SEMA3A: variants seen among roughly 807,000 people sequenced by gnomAD.
SEMA3A encodes semaphorin-3A.
A neutral mutation model predicts 97.9 loss-of-function variants in SEMA3A; 29 were observed. The observed-to-expected ratio is 0.30, with a 90% confidence interval of 0.22 to 0.40. SEMA3A has a LOEUF of 0.40. SEMA3A is among the 10% of genes least tolerant of loss of function. The probability of loss-of-function intolerance (pLI) is 1.00; values close to 1 mark genes in which losing one functional copy is unlikely to be tolerated. For missense variants in SEMA3A, 763 were observed against 951.3 expected (o/e 0.80, Z 2.60); for synonymous variants, 321 against 323.7 (o/e 0.99, Z 0.09).
intron 1 of SEMA3A, among the ~76,000 whole-genome samples, chr7:84,381,972 G>C (rs1303414012): frequency 6.6e-6 from 1 of 152,128 alleles, no homozygotes; most frequent in Non-Finnish European, 1.5e-5. Flanking sequence ...GGGTAGTTGA[G>C]GGTAGGAGCC....
At chr7:84,182,586 G>C (rs1797765371) in intron 1 of SEMA3A, among the ~76,000 whole-genome samples, 1 of 151,256 alleles carries the variant, frequency 6.6e-6, no homozygotes, top group African/African-American at 2.4e-5. Flanking sequence ...TAATAATCAG[G>C]TCTCCTTTCA....
At chr7:83,966,202 A>C in intron 15 of SEMA3A, among the ~76,000 whole-genome samples, 1 of 152,142 alleles carries the variant, frequency 6.6e-6, no homozygotes, top group Non-Finnish European at 1.5e-5. Context: ...ATATTCTTTT[A>C]TTAAAAAATT....
At chr7:84,284,750 C>T (rs1424028182) in intron 3 of SEMA3A, among the ~76,000 whole-genome samples, 1 of 152,090 alleles carries the variant, frequency 6.6e-6, no homozygotes, top group Non-Finnish European at 1.5e-5. Context: ...CTTATTTTTT[C>T]AACTCACTGT....
intron 4 of SEMA3A, among the ~76,000 whole-genome samples, chr7:84,081,591 T>C (rs1482270714): frequency 2.9e-5 from 3 of 102,780 alleles, no homozygotes; most frequent in Non-Finnish European, 6.5e-5. Flanking sequence ...AGACTCCGTC[T>C]CTTAAAAAAA....
At chr7:84,307,092 C>T (rs1181136423) in intron 3 of SEMA3A, 3 of 152,024 alleles carry the variant, frequency 2.0e-5, no homozygotes, top group African/African-American at 7.2e-5. Flanking sequence ...AAAGAAAGTG[C>T]TCTTAATTTT....
chr7:84,454,431 G>A (rs1006017033), intron 1 of SEMA3A, among the ~76,000 whole-genome samples: 2 of 152,046 alleles, frequency 1.3e-5, no homozygotes, highest in Non-Finnish European at 2.9e-5. Context: ...GTGTATAGAG[G>A]AGCTGAGTAA....
chr7:84,431,705 C>G lies in SEMA3A; in HGVS notation c.-245-59805G>C, dbSNP rs1233667719. On this transcript the variant is annotated intron_variant, in intron 1 of 3. Transcript: ENST00000424555. ...AAGAATTATTGAATAATAGATAAAGCCAGCTTCAATAATTAGTAACAAAAG... is the reference window on the plus strand; with the variant it reads ...AAGAATTATTGAATAATAGATAAAGGCAGCTTCAATAATTAGTAACAAAAG... 3.3e-5 allele frequency among the ~76,000 whole-genome samples: 5 copies of G among 151,408 alleles called. No individual in the cohort carries two copies. The East Asian group carries it at 5.8e-4, about 18-fold the overall frequency.
intron 1 of SEMA3A, among the ~76,000 whole-genome samples, chr7:84,375,171 C>T (rs1457986936): frequency 6.6e-6 from 1 of 152,082 alleles, no homozygotes; most frequent in Admixed American, 6.5e-5. Flanking sequence ...AGGCACCCGC[C>T]AACACATCCA....
chr7:84,404,110 A>G (rs1249241096), intron 1 of SEMA3A, among the ~76,000 whole-genome samples: 2 of 152,194 alleles, frequency 1.3e-5, no homozygotes, highest in East Asian at 1.9e-4. Flanking sequence ...TAAAGGAGGA[A>G]GTTCCAAATA....
intron 1 of SEMA3A, among the ~76,000 whole-genome samples, chr7:84,392,549 A>G (rs1803609829): frequency 1.3e-5 from 2 of 152,148 alleles, no homozygotes; most frequent in Admixed American, 6.6e-5. Context: ...AACATCTATT[A>G]GACATACTGA....
At chr7:84,317,369 A>G (rs1801534750) in intron 2 of SEMA3A, among the ~76,000 whole-genome samples, 4 of 152,190 alleles carry the variant, frequency 2.6e-5, no homozygotes, top group African/African-American at 9.7e-5. Flanking sequence ...ACATGATGCT[A>G]TGTATCAGTG....
chr7:84,319,021 G>A (rs540320093), intron 2 of SEMA3A, among the ~76,000 whole-genome samples: 1 of 152,254 alleles, frequency 6.6e-6, no homozygotes, highest in African/African-American at 2.4e-5. Flanking sequence ...ACTATTACTG[G>A]ACATTTATTA....
intron 5 of SEMA3A, among the ~76,000 whole-genome samples, chr7:84,047,286 A>G (rs1156604066): frequency 1.3e-5 from 2 of 152,048 alleles, no homozygotes; most frequent in Non-Finnish European, 2.9e-5. Flanking sequence ...AAGGGGGTAA[A>G]AGAGAAGTTA....
chr7:84,003,347 C>T (rs1043182576), intron 11 of SEMA3A, among the ~76,000 whole-genome samples: 1 of 152,106 alleles, frequency 6.6e-6, no homozygotes, highest in Non-Finnish European at 1.5e-5. Context: ...ACAACTTTAT[C>T]TCTTTTCCAG....
At chr7:84,378,319 T>C (rs1475526540) in intron 1 of SEMA3A, among the ~76,000 whole-genome samples, 2 of 152,048 alleles carry the variant, frequency 1.3e-5, no homozygotes, top group Admixed American at 1.3e-4. Flanking sequence ...CAAATGCCCA[T>C]CAATGATAGA....
At chr7:84,371,526 A>G (rs1198953591) in intron 2 of SEMA3A, among the ~76,000 whole-genome samples, 3 of 151,962 alleles carry the variant, frequency 2.0e-5, no homozygotes, top group Non-Finnish European at 4.4e-5. Context: ...TTAAGATATA[A>G]GAAAATAAAA....
At chr7:84,226,069 C>T (rs1266718911) in intron 3 of SEMA3A, among the ~76,000 whole-genome samples, 1 of 151,876 alleles carries the variant, frequency 6.6e-6, no homozygotes, top group Non-Finnish European at 1.5e-5. Flanking sequence ...TGTGTAAGAG[C>T]GTTTGGAAAG....
chr7:84,479,096 A>T (rs1584353758), intron 1 of SEMA3A, among the ~76,000 whole-genome samples: 1 of 152,134 alleles, frequency 6.6e-6, no homozygotes, highest in Admixed American at 6.6e-5. Flanking sequence ...TCAAAATATA[A>T]TTTTTACAGC....
chr7:84,479,150 T>C (rs2116428689), intron 1 of SEMA3A, among the ~76,000 whole-genome samples: 1 of 152,284 alleles, frequency 6.6e-6, no homozygotes, highest in Admixed American at 6.5e-5. Context: ...TTATTTTTCA[T>C]GGTAAAAAAT....
Sources: allele counts gnomAD v4.1 joint callset (sites outside exome capture counted in the v4.1 genomes callset), GRCh38; gene constraint gnomAD v4.1.1; transcripts MANE v1.5; gene names NCBI Gene and HGNC (gene_info 2026-07-23, HGNC 2026-07-21).